Variants in TTC23L observed in about 807,000 individuals in gnomAD.
TTC23L encodes the protein tetratricopeptide repeat protein 23-like.
A neutral mutation model predicts 48.1 loss-of-function variants in TTC23L; 42 were observed. That is an observed-to-expected ratio of 0.87 (90% CI 0.68 to 1.13). The LOEUF (loss-of-function observed/expected upper bound fraction) is 1.13. TTC23L is among the 50% of genes most tolerant of loss of function. The pLI, the probability that TTC23L is intolerant of heterozygous loss-of-function variation, is 0.00. For missense variants in TTC23L, 391 were observed against 421.0 expected (o/e 0.93, Z 0.62); for synonymous variants, 159 against 157.2 (o/e 1.01, Z -0.09).
chr5:34,868,860 C>T, intron 7 of TTC23L, 45 bp from the exon 8 acceptor site: 1 of 1,520,156 alleles, frequency 6.6e-7, no homozygotes, highest in Non-Finnish European at 9.0e-7. Context: ...CCACAGTGAA[C>T]ACTGTCATTG....
At chr5:34,885,192 A>T (rs1762472078) in intron 9 of TTC23L, among the ~76,000 whole-genome samples, 1 of 152,236 alleles carries the variant, frequency 6.6e-6, no homozygotes, top group Non-Finnish European at 1.5e-5. Context: ...ACCTTTTAAA[A>T]ATGTCAATGT....
At chr5:34,885,599 A>ATAAC (rs1762494134) in intron 9 of TTC23L, among the ~76,000 whole-genome samples, 1 of 152,084 alleles carries the variant, frequency 6.6e-6, no homozygotes, top group Non-Finnish European at 1.5e-5. Context: ...AAATAAATAA[A>ATAAC]TAAGCTGAGC....
chr5:34,891,686 T>C (rs927872806), intron 9 of TTC23L, among the ~76,000 whole-genome samples: 6 of 152,208 alleles, frequency 3.9e-5, no homozygotes, highest in African/African-American at 1.2e-4. Flanking sequence ...AAAAAATGCA[T>C]GATGTTTCCT....
the TTC23L span, among the ~76,000 whole-genome samples, chr5:34,919,569 T>G: frequency 6.6e-6 from 1 of 152,152 alleles, no homozygotes; most frequent in African/African-American, 2.4e-5. Context: ...TTGAAAAGGA[T>G]TCCTAGAATA....
At position 34,894,883 on chromosome 5, in the gene TTC23L, A is replaced by G. The variant is rs112359081; in HGVS notation, c.1078-1887A>G. 6.2e-4 allele frequency among the ~76,000 whole-genome samples: 93 copies of G among 150,936 alleles called. No homozygotes were observed. In the Middle Eastern group the frequency reaches 0.014, roughly 22 times the overall value. On this transcript the variant is annotated intron_variant, in intron 9 of 10. Coordinates refer to ENST00000505624, the Ensembl canonical transcript of TTC23L. ...GCTAATTAGAGATGATGAGAGTGTTAATGATGATGATGATGATGATGATGA... is the reference window on the plus strand; with the variant it reads ...GCTAATTAGAGATGATGAGAGTGTTGATGATGATGATGATGATGATGATGA...
Position 34,859,397 on chromosome 5 carries a change from C to T in TTC23L, c.380-3501C>T, listed in dbSNP as rs184200861. Among the ~76,000 whole-genome samples the T allele has an allele frequency of 7.1e-4, 108 of 152,270 alleles. 1 individual carries two copies. Among genetic ancestry groups the T allele is most frequent in the Admixed American group, 6.5e-3 (100 of 15,292 alleles). ...TTCTTCCTCCAGACCTGTGAAGACT[C>T]CCTGTTACATAACAGATCTAATTCC... is the stretch of plus-strand genomic sequence containing the variant. On this transcript the variant is annotated intron_variant, in intron 4 of 10. Transcript: ENST00000505624.
chr5:34,892,342 A>C (rs964904162), intron 9 of TTC23L, among the ~76,000 whole-genome samples: 3 of 152,204 alleles, frequency 2.0e-5, no homozygotes, highest in Non-Finnish European at 4.4e-5. Context: ...AGTTAATTTC[A>C]AGGTTAAATG....
intron 4 of TTC23L, among the ~76,000 whole-genome samples, chr5:34,853,502 C>T (rs1759859184): frequency 6.6e-6 from 1 of 152,050 alleles, no homozygotes; most frequent in South Asian, 2.1e-4. Flanking sequence ...TGCACTCCAG[C>T]CTGGGCGACA....
chr5:34,855,254 A>G lies in TTC23L; in HGVS notation c.379+4946A>G, dbSNP rs4594829. Among the ~76,000 whole-genome samples the G allele has an allele frequency of 8.6e-3, 473 of 54,912 alleles. 15 individuals carry two copies. Among genetic ancestry groups the G allele is most frequent in the African/African-American group, 0.064 (209 of 3,260 alleles). 36.0% of individuals were successfully genotyped at this position (54,912 alleles called of 152,430 possible). ...AGGCTAAGGTTAGGACTGGTAAGAT[A>G]AACCTGGAAAGGAGAAGGGTACATT... On this transcript the variant is annotated intron_variant, in intron 4 of 10. Transcript: ENST00000505624.
At chr5:34,848,525 A>G (rs749665760) in intron 3 of TTC23L, among the ~76,000 whole-genome samples, 112 of 152,222 alleles carry the variant, frequency 7.4e-4, no homozygotes, top group Non-Finnish European at 4.0e-4. Flanking sequence ...AAAATATTAG[A>G]TAGAAGTAAG....
At chr5:34,878,021 C>G (rs1323999092) in intron 8 of TTC23L, among the ~76,000 whole-genome samples, 1 of 152,102 alleles carries the variant, frequency 6.6e-6, no homozygotes, top group Non-Finnish European at 1.5e-5. Context: ...TCAATACTTT[C>G]CTATATACCA....
chr5:34,869,054 A>G (rs528663162), intron 8 of TTC23L, 41 bp downstream of exon 8: 10 of 1,485,694 alleles, frequency 6.7e-6, no homozygotes, highest in East Asian at 2.4e-5. Flanking sequence ...TCCCAGTCAC[A>G]TGAGGGAAGC....
Position 34,864,314 on chromosome 5 carries a change from G to T in TTC23L, c.537-123G>T, listed in dbSNP as rs969924258. 7 of 1,211,036 alleles carry T rather than the reference G, an allele frequency of 5.8e-6. No homozygotes were observed. In the Middle Eastern group the frequency reaches 1.0e-3, roughly 176 times the overall value. 75.0% of individuals were successfully genotyped at this position (1,211,036 alleles called of 1,614,324 possible). A position where few individuals can be genotyped will look rare whatever the true frequency, so the allele number is the denominator to read the frequency against. Reference sequence around the variant, plus strand: ...TAATACATGGAAAATAAAGAACATAGTTAAGTACCCATTTTTAATATTGCT... The same window carrying T: ...TAATACATGGAAAATAAAGAACATATTTAAGTACCCATTTTTAATATTGCT... On this transcript the variant is annotated intron_variant, in intron 5 of 10. Transcript: ENST00000505624.
In TTC23L at chr5:34,846,561, CAAAAAA is replaced by C. The variant is rs1156709677; in HGVS notation, c.255+899_255+904del. ...GGCCGACAACAGCTAGACTCTGTCT[CAAAAAA>C]AAAAAAAAAATATATATATATATAT... On this transcript the variant is annotated intron_variant, in intron 3 of 10. Transcript: ENST00000505624. 6.3e-5 allele frequency among the ~76,000 whole-genome samples: 2 copies of C among 31,566 alleles called. 1 individual carries two copies. Among genetic ancestry groups the C allele is most frequent in the African/African-American group, 2.4e-4 (2 of 8,228 alleles). The allele number at this position is 31,566 out of a possible 152,430, so 20.7% of individuals were successfully genotyped here.
chr5:34,918,296 C>A, the TTC23L span: 3 of 823,714 alleles, frequency 3.6e-6, no homozygotes, highest in South Asian at 1.7e-5. Context: ...CAGTGTGAGA[C>A]CCTGTCACAA....
the TTC23L span, chr5:34,908,381 G>T: frequency 6.5e-6 from 1 of 153,756 alleles, no homozygotes; most frequent in Non-Finnish European, 1.4e-5. Context: ...CTCCACGTTG[G>T]TCAGGCTGGT....
chr5:34,884,558 A>C (rs1317111065), intron 9 of TTC23L, among the ~76,000 whole-genome samples: 1 of 152,076 alleles, frequency 6.6e-6, no homozygotes, highest in Non-Finnish European at 1.5e-5. Flanking sequence ...ACACACACAC[A>C]ACCTGTTTGA....
At chr5:34,849,069 T>C (rs1161834522) in intron 3 of TTC23L, among the ~76,000 whole-genome samples, 1 of 152,182 alleles carries the variant, frequency 6.6e-6, no homozygotes. Context: ...GAATAAACCA[T>C]GTGTCCTGCC....
chr5:34,894,530 A>G (rs186883021), intron 9 of TTC23L, among the ~76,000 whole-genome samples: 2 of 152,314 alleles, frequency 1.3e-5, no homozygotes, highest in East Asian at 3.9e-4. Context: ...GGACTTTCAA[A>G]TTCTATGTTA....
Sources: allele counts gnomAD v4.1 joint callset (sites outside exome capture counted in the v4.1 genomes callset), GRCh38; gene constraint gnomAD v4.1.1; transcripts MANE v1.5; gene names NCBI Gene and HGNC (gene_info 2026-07-23, HGNC 2026-07-21).